The following NEIL2 variants were observed in gnomAD, a reference collection of about 807,000 sequenced individuals.
NEIL2 encodes nei like DNA glycosylase 2, also known as endonuclease 8-like 2.
NEIL2 carries 23 observed loss-of-function variants against 22.2 expected under a neutral mutation model. The ratio of observed to expected loss-of-function variants is 1.04; its 90% CI spans 0.75 to 1.47. The LOEUF is 1.47. Ranked by LOEUF, NEIL2 falls within the 40% of genes most tolerant of loss-of-function variation. The pLI is 0.00. For missense variants in NEIL2, 583 were observed against 404.7 expected (o/e 1.44, Z -3.78); for synonymous variants, 229 against 164.8 (o/e 1.39, Z -2.99).
rs755730474 is a variant in NEIL2 at position 11,779,758 on chromosome 8, G to T, written c.299G>T (p.Gly100Val). The T allele has an allele frequency of 1.9e-6, 3 of 1,614,230 alleles. No homozygotes were observed. Among genetic ancestry groups the T allele is most frequent in the Admixed American group, 3.3e-5 (2 of 60,028 alleles). The change falls in exon 3 of 5, where the codon GGA (glycine) becomes GTA (valine). Residue 100 changes from glycine (G) to valine (V), a missense_variant. By Grantham distance (109) the Gly-to-Val change is moderately radical. Coordinates refer to ENST00000284503, the MANE Select transcript of NEIL2 (RefSeq NM_145043.4). ...CCCAGCGGGCAGAAGACCCTTGATG[G>T]ATCCTCACGGTCTGCAGAGCTCGTC... ...GEPSGQKTLD[G>V]SSRSAELVPQ...
In NEIL2 at chr8:11,783,367, C is replaced by G. The variant is rs775883526; in HGVS notation, c.656C>G (p.Thr219Arg). The change falls in exon 4 of 5, where the codon ACA becomes AGA. Residue 219 changes from threonine to arginine, a missense_variant. By Grantham distance (71) the Thr-to-Arg change is moderately conservative (BLOSUM62 -1). Transcript: ENST00000284503. ...GGCCAGGCTCAGCCTGTCTGCTATA[C>G]ACTGCTGGACCAGAGATACTTCTCA... ...ALGQAQPVCY[T>R]LLDQRYFSGL... 2 of 1,614,188 alleles carry G rather than the reference C, an allele frequency of 1.2e-6. No individual in the cohort carries two copies. Among genetic ancestry groups the G allele is most frequent in the East Asian group, 4.5e-5 (2 of 44,888 alleles).
chr8:11,775,999 G>A (rs549144898), intron 2 of NEIL2, among the ~76,000 whole-genome samples: 78 of 152,124 alleles, frequency 5.1e-4, no homozygotes, highest in Non-Finnish European at 9.7e-4. Flanking sequence ...AGTTGCTTCC[G>A]CATTTTTAGA....
intron 3 of NEIL2, among the ~76,000 whole-genome samples, chr8:11,780,902 A>T (rs562109598): frequency 6.6e-6 from 1 of 152,334 alleles, no homozygotes; most frequent in African/African-American, 2.4e-5. Flanking sequence ...CAATGTAATG[A>T]AGCTTTTGCA....
chr8:11,777,058 T>G (rs1211892214), intron 2 of NEIL2, among the ~76,000 whole-genome samples: 2 of 152,184 alleles, frequency 1.3e-5, no homozygotes, highest in African/African-American at 2.4e-5. Context: ...TCCTCTGCCC[T>G]CCACTCTTCT....
intron 1 of NEIL2, 37 bp from the exon 2 acceptor site, chr8:11,771,409 T>C: frequency 6.2e-7 from 1 of 1,612,372 alleles, no homozygotes; most frequent in Non-Finnish European, 8.5e-7. Flanking sequence ...ATAAATGAGC[T>C]AAGTCGGTGG....
intron 1 of NEIL2, among the ~76,000 whole-genome samples, 165 bp downstream of exon 1, chr8:11,770,500 C>A (rs1458381815): frequency 6.6e-6 from 1 of 152,144 alleles, no homozygotes; most frequent in Non-Finnish European, 1.5e-5. Flanking sequence ...TATGAGAATG[C>A]CGAGATTGTG....
Position 11,786,064 on chromosome 8 carries a change from G to A in NEIL2, c.790G>A (p.Val264Met), listed in dbSNP as rs954952038. The A allele has an allele frequency of 7.4e-6, 12 of 1,614,154 alleles. No individual in the cohort carries two copies. Among genetic ancestry groups the A allele is most frequent in the Admixed American group, 5.0e-5 (3 of 60,024 alleles). ...GCGTCGGGAGGTCCTGGTGGATCACGTGGTGGAGTTCAGTACAGCCTGGCT... is the reference window on the plus strand; with the variant it reads ...GCGTCGGGAGGTCCTGGTGGATCACATGGTGGAGTTCAGTACAGCCTGGCT... ...ASRREVLVDH[V>M]VEFSTAWLQG... The change falls in exon 5 of 5, where the codon GTG becomes ATG. Residue 264 changes from valine (V) to methionine (M), a missense_variant. Coordinates refer to ENST00000284503, the MANE Select transcript of NEIL2 (RefSeq NM_145043.4).
intron 2 of NEIL2, among the ~76,000 whole-genome samples, chr8:11,775,291 G>A (rs1436079672): frequency 3.3e-5 from 5 of 150,748 alleles, no homozygotes; most frequent in South Asian, 2.1e-4. Context: ...CATGTGAACC[G>A]CCAAGGCTTG....
chr8:11,775,990 G>A (rs1039766660), intron 2 of NEIL2, among the ~76,000 whole-genome samples: 1 of 152,170 alleles, frequency 6.6e-6, no homozygotes, highest in African/African-American at 2.4e-5. Flanking sequence ...CAGTTCCAAA[G>A]TTGCTTCCGC....
rs1355024870 is a variant in NEIL2 at position 11,786,533 on chromosome 8, G to T, written c.*260G>T. The T allele has an allele frequency of 3.7e-6, 2 of 537,964 alleles. No homozygotes were observed. Among genetic ancestry groups the T allele is most frequent in the Non-Finnish European group, 3.3e-6 (1 of 299,288 alleles). 33.3% of individuals were successfully genotyped at this position (537,964 alleles called of 1,614,324 possible). A position where few individuals can be genotyped will look rare whatever the true frequency, so the allele number is the denominator to read the frequency against. ...AAGATGGGAAAAATCGTGATGATGG[G>T]TAAGGGGAAAACTTCCCGGAAGGCA... is the stretch of plus-strand genomic sequence containing the variant. On this transcript the variant is annotated 3_prime_UTR_variant, in exon 5 of 5. Coordinates refer to ENST00000284503, the MANE Select transcript of NEIL2 (RefSeq NM_145043.4).
chr8:11,781,088 C>T (rs535410888), intron 3 of NEIL2, among the ~76,000 whole-genome samples: 90 of 152,090 alleles, frequency 5.9e-4, no homozygotes, highest in African/African-American at 2.0e-3. Context: ...AAAAAAAGGC[C>T]CCTTCTGCCC....
chr8:11,781,633 T>G lies in NEIL2; in HGVS notation c.492-1570T>G, dbSNP rs918394208. Among the ~76,000 whole-genome samples, 5 of 152,374 alleles carry G rather than the reference T, an allele frequency of 3.3e-5. No individual in the cohort carries two copies. In the South Asian group the frequency reaches 8.3e-4, roughly 25 times the overall value. ...GTAGAGTGAATGTGTATCATGCCAT[T>G]ATTTTTAAATCTCTTTTTACCTGGT... On this transcript the variant is annotated intron_variant, in intron 3 of 4. Transcript: ENST00000284503.
At position 11,774,868 on chromosome 8, in the gene NEIL2, C is replaced by T. The variant is rs953230162; in HGVS notation, c.138+3283C>T. Among the ~76,000 whole-genome samples, 4 of 152,358 alleles carry T rather than the reference C, an allele frequency of 2.6e-5. No individual in the cohort carries two copies. In the East Asian group the frequency reaches 5.8e-4, roughly 22 times the overall value. The stretch of plus-strand genomic sequence containing the variant: ...GATCTTTGACTCCATGTCTCTCATC[C>T]AGGGCACGCTGATGCAAGAGGTAGA... On this transcript the variant is annotated intron_variant, in intron 2 of 4. Transcript: ENST00000284503.
At chr8:11,784,328 G>A (rs919048447) in intron 4 of NEIL2, among the ~76,000 whole-genome samples, 11 of 152,242 alleles carry the variant, frequency 7.2e-5, no homozygotes, top group Non-Finnish European at 1.5e-4. Context: ...ATAACGGCCA[G>A]TGTTTTCCAA....
rs1180962207 is a variant in NEIL2, at chr8:11,786,781, G to C, written c.*508G>C. On this transcript the variant is annotated 3_prime_UTR_variant, in exon 5 of 5. Coordinates refer to ENST00000284503, the MANE Select transcript of NEIL2 (RefSeq NM_145043.4). ...GCCTCCAGAGTAGCTGGGACTACAG[G>C]CATGTGATATGATGCTCGGCTGATT... is the stretch of plus-strand genomic sequence containing the variant. 1.1e-5 allele frequency: 2 copies of C among 175,318 alleles called. No individual in the cohort carries two copies. The highest frequency in any genetic ancestry group is 2.4e-5 in the Non-Finnish European group (2 of 82,292). The allele number at this position is 175,318 out of a possible 1,614,324, so 10.9% of individuals were successfully genotyped here. A position where few individuals can be genotyped will look rare whatever the true frequency, so the allele number is the denominator to read the frequency against.
At chr8:11,783,042 T>C (rs1418488818) in intron 3 of NEIL2, 161 bp from the exon 4 acceptor site, 7 of 709,690 alleles carry the variant, frequency 9.9e-6, no homozygotes, top group Admixed American at 6.0e-5. Flanking sequence ...GTGGTAACGA[T>C]GTGGGGATGT....
At chr8:11,772,708 C>A (rs527683966) in intron 2 of NEIL2, among the ~76,000 whole-genome samples, 28 of 152,334 alleles carry the variant, frequency 1.8e-4, no homozygotes, top group African/African-American at 6.5e-4. Context: ...ACGTAGGAAG[C>A]ACGGGTGGTG....
intron 2 of NEIL2, among the ~76,000 whole-genome samples, chr8:11,776,347 C>T (rs946353007): frequency 2.1e-4 from 32 of 152,182 alleles, no homozygotes; most frequent in African/African-American, 6.0e-4. Flanking sequence ...CCCCACAACA[C>T]GTGGGAATTA....
chr8:11,778,922 A>G (rs1321179314), intron 2 of NEIL2, among the ~76,000 whole-genome samples: 1 of 115,216 alleles, frequency 8.7e-6, no homozygotes, highest in Non-Finnish European at 1.6e-5. Flanking sequence ...ACTACACTCC[A>G]GTCTAGGCGA....
Sources: allele counts gnomAD v4.1 joint callset (sites outside exome capture counted in the v4.1 genomes callset), GRCh38; gene constraint gnomAD v4.1.1; transcripts MANE v1.5; gene names NCBI Gene and HGNC (gene_info 2026-07-23, HGNC 2026-07-21).